The following PDE9A variants were observed in gnomAD, a reference collection of about 807,000 sequenced individuals.
The protein encoded by PDE9A is high affinity cGMP-specific 3',5'-cyclic phosphodiesterase 9A.
Under a neutral mutation model 87.4 loss-of-function variants are expected in PDE9A, and 60 were observed. The observed-to-expected ratio is 0.69, with a 90% CI of 0.56 to 0.85. PDE9A has a LOEUF of 0.85. Ranked by LOEUF, PDE9A falls within the 40% of genes least tolerant of loss-of-function variation. The pLI is 0.00. For missense variants in PDE9A, 665 were observed against 779.0 expected (o/e 0.85, Z 1.74); for synonymous variants, 272 against 279.4 (o/e 0.97, Z 0.27).
intron 1 of PDE9A, among the ~76,000 whole-genome samples, chr21:42,673,440 C>G (rs780084658): frequency 3.9e-5 from 6 of 152,226 alleles, no homozygotes; most frequent in Non-Finnish European, 7.3e-5. Flanking sequence ...CTTCCAGGCC[C>G]ACAGCCTCCT....
intron 4 of PDE9A, among the ~76,000 whole-genome samples, chr21:42,716,613 G>A (rs985068862): frequency 6.6e-6 from 1 of 150,902 alleles, no homozygotes; most frequent in African/African-American, 2.4e-5. Flanking sequence ...ATACTGTACC[G>A]CCTCACATAA....
chr21:42,733,539 T>C, intron 7 of PDE9A, 113 bp downstream of exon 7: 1 of 679,262 alleles, frequency 1.5e-6, no homozygotes. Flanking sequence ...ATAAATGTCT[T>C]TTCTTTGTGA....
intron 1 of PDE9A, among the ~76,000 whole-genome samples, chr21:42,685,467 C>A (rs866140260): frequency 1.7e-5 from 2 of 115,972 alleles, no homozygotes; most frequent in African/African-American, 7.1e-5. Context: ...GAAAGGCAGT[C>A]TTTTTTTTTT....
Position 42,668,820 on chromosome 21 carries a change from C to G in PDE9A, c.69+14937C>G, listed in dbSNP as rs191054229. ...TGACCTGGAGGGCTGTTCAGACGGT[C>G]TGGGTAGCCGTGTCCTGCGCATGAA... On this transcript the variant is annotated intron_variant, in intron 1 of 19. Coordinates refer to ENST00000291539, the MANE Select transcript of PDE9A (RefSeq NM_002606.3). Among the ~76,000 whole-genome samples the G allele has an allele frequency of 1.3e-4, 20 of 151,734 alleles. No homozygotes were observed. In the East Asian group the frequency reaches 3.9e-3, roughly 30 times the overall value.
chr21:42,670,159 A>ATT (rs2058330524), intron 1 of PDE9A, among the ~76,000 whole-genome samples: 5 of 101,672 alleles, frequency 4.9e-5, no homozygotes, highest in African/African-American at 1.5e-4. Flanking sequence ...ATTCACACGC[A>ATT]CACACATTCA....
chr21:42,686,204 A>G lies in PDE9A; in HGVS notation c.82A>G (p.Lys28Glu), dbSNP rs775216565. The change falls in exon 2 of 20, where the codon AAG (lysine) becomes GAG (glutamate). Residue 28 changes from lysine (K) to glutamate (E), a missense_variant. Transcript: ENST00000291539. The part of the protein sequence containing the change: ...DGRIQKVIFS[K>E]YCNSSDIMDL... ...TTCTGTTTTGCAGGTAATCTTCAGC[A>G]AGTACTGCAACTCCAGCGACATCAT... 2.5e-6 allele frequency: 4 copies of G among 1,613,878 alleles called. No homozygotes were observed. Among genetic ancestry groups the G allele is most frequent in the Non-Finnish European group, 2.5e-6 (3 of 1,179,768 alleles).
chr21:42,669,726 C>T (rs1237711815), intron 1 of PDE9A, among the ~76,000 whole-genome samples: 3 of 152,144 alleles, frequency 2.0e-5, no homozygotes, highest in Admixed American at 6.5e-5. Context: ...ATCTGCCCAG[C>T]GGAGTTAAGT....
intron 3 of PDE9A, 59 bp downstream of exon 3, chr21:42,688,053 G>A: frequency 9.6e-6 from 13 of 1,348,436 alleles, no homozygotes; most frequent in Non-Finnish European, 1.4e-5. Flanking sequence ...CATGACATGG[G>A]AGGCTTTCTG....
intron 4 of PDE9A, among the ~76,000 whole-genome samples, chr21:42,725,124 C>T (rs111688697): frequency 3.3e-5 from 5 of 152,302 alleles, no homozygotes; most frequent in South Asian, 2.1e-4. Context: ...CGGAACATGG[C>T]GTCCCCCACA....
chr21:42,672,669 A>G (rs149493380), intron 1 of PDE9A, among the ~76,000 whole-genome samples: 3,517 of 152,272 alleles, frequency 0.023, 67 homozygotes, highest in Middle Eastern at 0.048. Flanking sequence ...AACTGGCCTA[A>G]ACCACAGTGA....
In PDE9A at chr21:42,696,258, C is replaced by T. The variant is rs1016788691; in HGVS notation, c.219-2710C>T. On this transcript the variant is annotated intron_variant, in intron 3 of 19. Transcript: ENST00000291539. This position sits in a 1 kb window ranked among gnomAD's most constrained non-coding sequence, Gnocchi z 5.1. ...CTTGCGTGGGAGAAGTTGCTGGACA[C>T]GCCTCTCTGGCTCTGTCCCCGCCGG... 1.3e-5 allele frequency among the ~76,000 whole-genome samples: 2 copies of T among 152,160 alleles called. No individual in the cohort carries two copies. The highest frequency in any genetic ancestry group is 2.4e-5 in the African/African-American group (1 of 41,428).
chr21:42,732,038 T>A, intron 5 of PDE9A, 32 bp from the exon 6 acceptor site: 2 of 1,613,616 alleles, frequency 1.2e-6, no homozygotes, highest in Non-Finnish European at 1.7e-6. Context: ...CTCTTGTCCG[T>A]GTTCCATCTG....
At position 42,709,547 on chromosome 21, in the gene PDE9A, C is replaced by T. The variant is rs529675701; in HGVS notation, c.262+10536C>T. Among the ~76,000 whole-genome samples, 6 of 152,334 alleles carry T rather than the reference C, an allele frequency of 3.9e-5. No homozygotes were observed. In the South Asian group the frequency reaches 6.2e-4, roughly 16 times the overall value. On this transcript the variant is annotated intron_variant, in intron 4 of 19. Transcript: ENST00000291539. Reference sequence around the variant, plus strand: ...TTCCATCACCCTAGAAAAATGTCCCCGTACCCCCTTCAAGGCAGTCCTCAC... The same window carrying T: ...TTCCATCACCCTAGAAAAATGTCCCTGTACCCCCTTCAAGGCAGTCCTCAC...
At chr21:42,661,832 T>A (rs192851199) in intron 1 of PDE9A, among the ~76,000 whole-genome samples, 110 of 152,332 alleles carry the variant, frequency 7.2e-4, no homozygotes, top group Non-Finnish European at 1.4e-3. Context: ...ATGTCTGTGG[T>A]GTAGCCTGTG....
At chr21:42,745,285 G>A (rs1415358514) in intron 8 of PDE9A, among the ~76,000 whole-genome samples, 1 of 152,210 alleles carries the variant, frequency 6.6e-6, no homozygotes, top group African/African-American at 2.4e-5. Context: ...TCTGAGCCAC[G>A]TGAGAGCCTG....
At chr21:42,683,594 C>T (rs2059288139) in intron 1 of PDE9A, among the ~76,000 whole-genome samples, 1 of 152,244 alleles carries the variant, frequency 6.6e-6, no homozygotes, top group Non-Finnish European at 1.5e-5. Flanking sequence ...GACCTGGCCC[C>T]ATGCTCCTGA....
At chr21:42,689,494 C>G in intron 3 of PDE9A, 1 of 975,834 alleles carries the variant, frequency 1.0e-6, no homozygotes, top group Non-Finnish European at 1.2e-6. Flanking sequence ...GTCCTCCTGA[C>G]ACCCACAAGA....
intron 9 of PDE9A, among the ~76,000 whole-genome samples, chr21:42,752,120 C>T (rs2054500634): frequency 6.6e-6 from 1 of 152,156 alleles, no homozygotes; most frequent in Admixed American, 6.5e-5. Context: ...GGGCTAAACA[C>T]AGGTGGGCTC....
At chr21:42,745,232 G>A (rs910478740) in intron 8 of PDE9A, among the ~76,000 whole-genome samples, 3 of 152,242 alleles carry the variant, frequency 2.0e-5, no homozygotes, top group African/African-American at 7.2e-5. Context: ...TGGCCTCGGG[G>A]TGGGCGCAGG....
Sources: gnomAD v4.1 joint callset for allele counts (sites outside exome capture counted in the v4.1 genomes callset) on GRCh38, gnomAD v4.1.1 for gene constraint, Gnocchi (gnomAD v3.1) non-coding constraint, MANE v1.5 for transcripts, NCBI Gene and HGNC (gene_info 2026-07-23, HGNC 2026-07-21) for gene names.